Variants in RIPK4 observed in about 807,000 individuals in gnomAD.
RIPK4 encodes the protein receptor-interacting serine/threonine-protein kinase 4.
Under a neutral mutation model 42.9 loss-of-function variants are expected in RIPK4, and 17 were observed. The observed-to-expected ratio is 0.40, with a 90% CI of 0.27 to 0.59. RIPK4 has a LOEUF of 0.59. RIPK4 is among the 20% of genes least tolerant of loss of function. The pLI is 0.47. For synonymous variants in RIPK4, 498 were observed against 499.1 expected, an observed-to-expected ratio of 1.00 and a Z score of 0.03; for missense variants, 897 against 1,104.4, an observed-to-expected ratio of 0.81 and a Z score of 2.66.
chr21:41,752,837 A>G (rs1013899772), intron 2 of RIPK4, among the ~76,000 whole-genome samples: 2 of 152,162 alleles, frequency 1.3e-5, no homozygotes, highest in African/African-American at 4.8e-5. Flanking sequence ...GTAGGGGAAG[A>G]GGGAAGGGAG....
chr21:41,749,667 G>A (rs1365235315), intron 3 of RIPK4, among the ~76,000 whole-genome samples: 6 of 152,266 alleles, frequency 3.9e-5, no homozygotes, highest in East Asian at 1.9e-4. Flanking sequence ...TCTGATCAGC[G>A]TTCCTAACGT....
rs929029735 is a variant in RIPK4 at position 41,741,270 on chromosome 21, C to T, written c.1923G>A (p.Leu641=). The stretch of plus-strand genomic sequence containing the variant: ...TGTGCCCCGTCTCCGCGGCCACGTG[C>T]AGGGGTGTCTGTGCCAGCAGGCTGC... ...NVCSLLAQTP[L]HVAAETGHTS... The change falls in exon 8 of 8, where the codon CTG becomes CTA. Residue 641 remains leucine, a synonymous_variant. Coordinates refer to ENST00000332512, the MANE Select transcript of RIPK4 (RefSeq NM_020639.3). The T allele has an allele frequency of 5.0e-6, 8 of 1,608,534 alleles. No homozygotes were observed. The highest frequency in any genetic ancestry group is 5.9e-6 in the Non-Finnish European group (7 of 1,179,658).
chr21:41,746,277 C>A, intron 5 of RIPK4: 1 of 579,562 alleles, frequency 1.7e-6, no homozygotes, highest in Non-Finnish European at 3.1e-6. Flanking sequence ...AAGGGCGACG[C>A]CGCCGGCCAC....
chr21:41,757,263 G>A (rs2061206450), intron 1 of RIPK4, among the ~76,000 whole-genome samples: 1 of 152,178 alleles, frequency 6.6e-6, no homozygotes, highest in Admixed American at 6.5e-5. Context: ...GCTCATGCCT[G>A]TAATCCCAGC....
chr21:41,758,041 T>TATAGAGAGAGAGAG (rs1452050960), intron 1 of RIPK4, among the ~76,000 whole-genome samples: 1 of 58,488 alleles, frequency 1.7e-5, no homozygotes. Context: ...TATATATATA[T>TATAGAGAGAGAGAG]AGAGAGAGAG....
intron 1 of RIPK4, among the ~76,000 whole-genome samples, chr21:41,764,512 G>A (rs1402972819): frequency 6.6e-6 from 1 of 152,028 alleles, no homozygotes; most frequent in African/African-American, 2.4e-5. Flanking sequence ...AGGGCCGGGG[G>A]CTGCACACAA....
intron 1 of RIPK4, 31 bp downstream of exon 1, chr21:41,766,829 G>A (rs1338055107): frequency 1.9e-6 from 3 of 1,588,636 alleles, no homozygotes; most frequent in Non-Finnish European, 2.6e-6. Flanking sequence ...CCGGGCCCCA[G>A]CCGCCCCAGC....
intron 1 of RIPK4, among the ~76,000 whole-genome samples, 179 bp downstream of exon 1, chr21:41,766,681 C>T (rs2061238000): frequency 1.3e-5 from 2 of 152,132 alleles, no homozygotes; most frequent in African/African-American, 4.8e-5. Flanking sequence ...CCCCTCCGGC[C>T]CGGACAGGCC....
chr21:41,741,350 C>T lies in RIPK4; in HGVS notation c.1843G>A (p.Gly615Arg), dbSNP rs773928153. 2 of 1,610,548 alleles carry T rather than the reference C, an allele frequency of 1.2e-6. No homozygotes were observed. Among genetic ancestry groups the T allele is most frequent in the African/African-American group, 1.3e-5 (1 of 74,804 alleles). Residue 615 changes from glycine to arginine, a missense_variant, in exon 8 of 8, where the codon GGG becomes AGG. By Grantham distance (125) the Gly-to-Arg change is moderately radical. Transcript: ENST00000332512. ...AGGATGCGGGCCACGCGGTAGTGCCCGCGCTGTGCGGCCAGGTGCAATGGC... is the reference window on the plus strand; with the variant it reads ...AGGATGCGGGCCACGCGGTAGTGCCTGCGCTGTGCGGCCAGGTGCAATGGC... The part of the protein sequence containing the change: ...RTPLHLAAQR[G>R]HYRVARILID...
chr21:41,753,491 A>G (rs1003111382), intron 2 of RIPK4, among the ~76,000 whole-genome samples: 2 of 152,160 alleles, frequency 1.3e-5, no homozygotes, highest in Non-Finnish European at 2.9e-5. Flanking sequence ...CTGACCCTCT[A>G]TGTTCTCCTC....
intron 1 of RIPK4, 126 bp downstream of exon 1, chr21:41,766,734 T>C (rs750417823): frequency 3.8e-5 from 39 of 1,029,014 alleles, no homozygotes; most frequent in Non-Finnish European, 5.1e-5. Context: ...CGGCAATTGG[T>C]TTCCCCCCCG....
chr21:41,756,916 C>A, intron 1 of RIPK4, 100 bp from the exon 2 acceptor site: 2 of 1,258,174 alleles, frequency 1.6e-6, no homozygotes, highest in East Asian at 2.5e-5. Flanking sequence ...GAGGGCTGAG[C>A]AAATGCCTCA....
intron 3 of RIPK4, among the ~76,000 whole-genome samples, 200 bp downstream of exon 3, chr21:41,750,897 C>G (rs2061186405): frequency 6.6e-6 from 1 of 152,170 alleles, no homozygotes; most frequent in Non-Finnish European, 1.5e-5. Context: ...AGGCTGGTCT[C>G]AAACTCCTGG....
intron 1 of RIPK4, among the ~76,000 whole-genome samples, chr21:41,760,253 A>T (rs1485040033): frequency 6.6e-6 from 1 of 152,228 alleles, no homozygotes; most frequent in African/African-American, 2.4e-5. Flanking sequence ...TATTTTAAGC[A>T]GTTCTGTGTA....
At position 41,741,179 on chromosome 21, in the gene RIPK4, TG is replaced by T. The variant is rs1473017138; in HGVS notation, c.2013del (p.Tyr671Ter). ...AGKEAMTSDG[Y>X]TALHLAARNG... ...TTGCGGGCAGCCAGGTGCAGAGCGG[TG>T]TAGCCGTCTGAGGTCATGGCCTCCT... On this transcript the variant is annotated frameshift_variant, in exon 8 of 8. Transcript: ENST00000332512. LOFTEE classifies it low-confidence loss of function (END_TRUNC). 1 of 1,611,966 alleles carries T rather than the reference TG, an allele frequency of 6.2e-7. No individual in the cohort carries two copies. The highest frequency in any genetic ancestry group is 8.5e-7 in the Non-Finnish European group (1 of 1,179,512).
At chr21:41,766,488 G>T (rs1190783709) in intron 1 of RIPK4, among the ~76,000 whole-genome samples, 2 of 152,200 alleles carry the variant, frequency 1.3e-5, no homozygotes, top group African/African-American at 2.4e-5. Context: ...CGGGTCCGAG[G>T]CGCAAGGCGA....
intron 1 of RIPK4, among the ~76,000 whole-genome samples, chr21:41,761,673 TTC>T (rs2146060781): frequency 6.6e-6 from 1 of 152,358 alleles, no homozygotes; most frequent in African/African-American, 2.4e-5. Context: ...TAAGTAGACA[TTC>T]TGAGAGTGAA....
intron 3 of RIPK4, among the ~76,000 whole-genome samples, chr21:41,749,889 T>TAAAAAA (rs776305508): frequency 4.0e-5 from 4 of 99,376 alleles, no homozygotes; most frequent in Admixed American, 1.1e-4. Context: ...CCAAATTGAT[T>TAAAAAA]AAAAAAAAAA....
intron 1 of RIPK4, among the ~76,000 whole-genome samples, chr21:41,760,763 G>GT (rs906684764): frequency 1.3e-5 from 2 of 152,124 alleles, no homozygotes; most frequent in Non-Finnish European, 2.9e-5. Context: ...GCTGGGGGGT[G>GT]TGGGGGGTGG....
Sources: allele counts gnomAD v4.1 joint callset (sites outside exome capture counted in the v4.1 genomes callset), GRCh38; gene constraint gnomAD v4.1.1; transcripts MANE v1.5; gene names NCBI Gene and HGNC (gene_info 2026-07-23, HGNC 2026-07-21).